The following F5 variants were observed in gnomAD, a reference collection of about 807,000 sequenced individuals.
F5 encodes the protein activated protein c cofactor.
In F5, 138 loss-of-function variants were observed where a neutral mutation model predicts 216.4. The ratio of observed to expected loss-of-function variants is 0.64; its 90% confidence interval spans 0.56 to 0.73. The LOEUF (loss-of-function observed/expected upper bound fraction) is 0.73. F5 is among the 30% of genes least tolerant of loss of function. F5 has a pLI of 0.00. For missense variants in F5, 2,403 were observed against 2,674.0 expected (o/e 0.90, Z 2.24); for synonymous variants, 916 against 930.7 (o/e 0.98, Z 0.29).
At chr1:169,569,895 A>C (rs7528914) in intron 3 of F5, among the ~76,000 whole-genome samples, 8,879 of 152,004 alleles carry the variant, frequency 0.058, 356 homozygotes, top group Middle Eastern at 0.12. Context: ...CCCCACTCCC[A>C]AAAAAATAGC....
chr1:169,534,990 A>G (rs976333076), intron 14 of F5, among the ~76,000 whole-genome samples: 1 of 152,180 alleles, frequency 6.6e-6, no homozygotes, highest in Non-Finnish European at 1.5e-5. Flanking sequence ...TTGGGTACTC[A>G]TGAACATAAA....
intron 3 of F5, among the ~76,000 whole-genome samples, chr1:169,565,739 C>A (rs570725228): frequency 6.6e-6 from 1 of 152,068 alleles, no homozygotes; most frequent in East Asian, 1.9e-4. Flanking sequence ...CTTACTGGAC[C>A]AATTTTGTTC....
intron 5 of F5, among the ~76,000 whole-genome samples, chr1:169,558,660 C>T (rs1373790175): frequency 1.3e-5 from 2 of 152,178 alleles, no homozygotes; most frequent in East Asian, 1.9e-4. Context: ...TTTGCCTTCT[C>T]ATAAGTGCCC....
chr1:169,529,107 A>G (rs1185061161), intron 16 of F5, among the ~76,000 whole-genome samples: 1 of 152,066 alleles, frequency 6.6e-6, no homozygotes, highest in Non-Finnish European at 1.5e-5. Context: ...CTATTCTCCT[A>G]TTACCTGGGT....
intron 7 of F5, 113 bp downstream of exon 7, chr1:169,555,069 C>T (rs1031943135): frequency 4.2e-6 from 5 of 1,187,446 alleles, no homozygotes; most frequent in Admixed American, 1.7e-5. Context: ...TGAATAGAAA[C>T]CAATACATGT....
At chr1:169,534,674 A>T (rs1659666372) in intron 14 of F5, among the ~76,000 whole-genome samples, 1 of 152,028 alleles carries the variant, frequency 6.6e-6, no homozygotes, top group Non-Finnish European at 1.5e-5. Flanking sequence ...TCTCAAAAAA[A>T]AAAAAAAGAA....
intron 13 of F5, among the ~76,000 whole-genome samples, chr1:169,539,794 C>A (rs1486713679): frequency 6.6e-6 from 1 of 152,136 alleles, no homozygotes; most frequent in East Asian, 1.9e-4. Context: ...ACAAAGAGCC[C>A]AGTTCAACAT....
chr1:169,514,960 T>A (rs1659124644), intron 24 of F5, among the ~76,000 whole-genome samples: 1 of 152,142 alleles, frequency 6.6e-6, no homozygotes, highest in South Asian at 2.1e-4. Flanking sequence ...GATAATAACA[T>A]TTTACCTCAC....
At chr1:169,577,884 A>G (rs1326100544) in intron 2 of F5, among the ~76,000 whole-genome samples, 1 of 151,968 alleles carries the variant, frequency 6.6e-6, no homozygotes, top group Non-Finnish European at 1.5e-5. Context: ...CAATTACAAG[A>G]ACTAACAACA....
chr1:169,553,537 T>A (rs1200011096), intron 7 of F5, among the ~76,000 whole-genome samples: 2 of 152,274 alleles, frequency 1.3e-5, no homozygotes, highest in Non-Finnish European at 2.9e-5. Context: ...TGAAACCCCA[T>A]CTCTACTAAA....
intron 22 of F5, among the ~76,000 whole-genome samples, chr1:169,519,997 T>C (rs1300343282): frequency 6.6e-6 from 1 of 152,148 alleles, no homozygotes. Context: ...CCCTGAGAAA[T>C]AGCAGCTAAC....
chr1:169,527,725 T>G (rs140120094), intron 17 of F5, among the ~76,000 whole-genome samples, 190 bp downstream of exon 17: 79 of 152,318 alleles, frequency 5.2e-4, no homozygotes, highest in Non-Finnish European at 1.0e-3. Context: ...TGCAAATAGT[T>G]CATAAATTAG....
At chr1:169,571,521 A>G (rs538069820) in intron 3 of F5, among the ~76,000 whole-genome samples, 195 of 152,274 alleles carry the variant, frequency 1.3e-3, no homozygotes, top group Non-Finnish European at 2.3e-3. Flanking sequence ...CACTATGTCC[A>G]AAAGTCTAAT....
chr1:169,548,823 G>T (rs1660079217), intron 10 of F5, among the ~76,000 whole-genome samples: 1 of 151,054 alleles, frequency 6.6e-6, no homozygotes, highest in African/African-American at 2.4e-5. Context: ...GATCTAAAAT[G>T]GTGCCACTGC....
intron 2 of F5, among the ~76,000 whole-genome samples, chr1:169,578,029 G>T (rs80081556): frequency 6.6e-6 from 1 of 152,112 alleles, no homozygotes; most frequent in Admixed American, 6.5e-5. Flanking sequence ...AATGGGAGAG[G>T]CCACATAGTT....
intron 4 of F5, among the ~76,000 whole-genome samples, chr1:169,559,772 AAG>A (rs1660420095): frequency 6.6e-6 from 1 of 152,210 alleles, no homozygotes; most frequent in Non-Finnish European, 1.5e-5. Flanking sequence ...AAAATGCAAG[AAG>A]AGTCTTTTGT....
chr1:169,565,691 G>A (rs959481719), intron 3 of F5, among the ~76,000 whole-genome samples: 1 of 152,048 alleles, frequency 6.6e-6, no homozygotes, highest in Non-Finnish European at 1.5e-5. Flanking sequence ...GTTGGATCTG[G>A]ATCTTAGCTG....
intron 20 of F5, among the ~76,000 whole-genome samples, chr1:169,523,557 G>A (rs1219697757): frequency 6.6e-6 from 1 of 152,188 alleles, no homozygotes; most frequent in Non-Finnish European, 1.5e-5. Flanking sequence ...TTAGCTGTGT[G>A]TTACTTTGGG....
chr1:169,533,506 G>A (rs1659635988), intron 14 of F5, among the ~76,000 whole-genome samples: 1 of 152,078 alleles, frequency 6.6e-6, no homozygotes. Context: ...TCTGACAAAG[G>A]TCTAATATCC....
Sources: gnomAD v4.1 joint callset for allele counts (sites outside exome capture counted in the v4.1 genomes callset) on GRCh38, gnomAD v4.1.1 for gene constraint, MANE v1.5 for transcripts, NCBI Gene and HGNC (gene_info 2026-07-23, HGNC 2026-07-21) for gene names.